The following XKR4 variants were observed in gnomAD, a reference collection of about 807,000 sequenced individuals.
The protein encoded by XKR4 is XK-related protein 4.
Under a neutral mutation model 53.9 loss-of-function variants are expected in XKR4, and 12 were observed. The observed-to-expected ratio is 0.22, with a 90% CI of 0.14 to 0.36. The LOEUF is 0.36. XKR4 is among the 10% of genes least tolerant of loss of function. The pLI, the probability that XKR4 is intolerant of heterozygous loss-of-function variation, is 1.00. For synonymous variants in XKR4, 354 were observed against 362.4 expected, an observed-to-expected ratio of 0.98 and a Z score of 0.26; for missense variants, 799 against 859.5, an observed-to-expected ratio of 0.93 and a Z score of 0.88.
intron 2 of XKR4, among the ~76,000 whole-genome samples, chr8:55,480,347 A>G (rs1806080591): frequency 6.6e-6 from 1 of 152,242 alleles, no homozygotes; most frequent in Admixed American, 6.5e-5. Context: ...GACAAAATTC[A>G]ATAACGCTTC....
chr8:55,171,483 G>A (rs920577452), intron 1 of XKR4, among the ~76,000 whole-genome samples: 6 of 152,158 alleles, frequency 3.9e-5, no homozygotes, highest in Admixed American at 6.5e-5. Flanking sequence ...ATACGTCTCC[G>A]TGTCATTTTA....
At chr8:55,212,977 G>T (rs530533894) in intron 1 of XKR4, among the ~76,000 whole-genome samples, 2 of 152,264 alleles carry the variant, frequency 1.3e-5, no homozygotes, top group South Asian at 4.2e-4. Flanking sequence ...TGAGATAAAG[G>T]TATTATTATC....
intron 1 of XKR4, among the ~76,000 whole-genome samples, chr8:55,347,800 G>T (rs1185359713): frequency 1.3e-5 from 2 of 152,062 alleles, no homozygotes; most frequent in African/African-American, 4.8e-5. Context: ...ACTTTTTTCT[G>T]CCTTTAATGA....
intron 2 of XKR4, among the ~76,000 whole-genome samples, chr8:55,379,183 T>A (rs553676549): frequency 7.2e-5 from 11 of 152,210 alleles, no homozygotes; most frequent in Non-Finnish European, 1.2e-4. Flanking sequence ...GACTCCACAC[T>A]CTTCTCTCTG....
At chr8:55,209,315 C>T (rs554478374) in intron 1 of XKR4, among the ~76,000 whole-genome samples, 4 of 152,194 alleles carry the variant, frequency 2.6e-5, no homozygotes, top group African/African-American at 7.2e-5. Context: ...CACTTGCTGT[C>T]CTCGTTCCCA....
intron 2 of XKR4, among the ~76,000 whole-genome samples, chr8:55,395,718 C>T (rs954633595): frequency 6.6e-6 from 1 of 152,004 alleles, no homozygotes; most frequent in Non-Finnish European, 1.5e-5. Flanking sequence ...GTAGATGGGG[C>T]CCATCTTGCC....
intron 2 of XKR4, among the ~76,000 whole-genome samples, chr8:55,475,655 G>A (rs1375273260): frequency 6.6e-6 from 1 of 151,694 alleles, no homozygotes; most frequent in Non-Finnish European, 1.5e-5. Flanking sequence ...CTAGGCTGGA[G>A]TGCAGTGGCA....
chr8:55,261,784 T>C (rs911183344), intron 1 of XKR4, among the ~76,000 whole-genome samples: 22 of 152,150 alleles, frequency 1.4e-4, no homozygotes, highest in Admixed American at 1.4e-3. Flanking sequence ...AATTTAAAAA[T>C]AGTCTTTGGT....
chr8:55,270,542 T>C (rs563756440), intron 1 of XKR4, among the ~76,000 whole-genome samples: 3 of 152,198 alleles, frequency 2.0e-5, no homozygotes, highest in African/African-American at 7.2e-5. Flanking sequence ...AAGGGCACCA[T>C]GTGTTAACAG....
chr8:55,125,649 T>G (rs915922918), intron 1 of XKR4, among the ~76,000 whole-genome samples: 1 of 152,208 alleles, frequency 6.6e-6, no homozygotes, highest in African/African-American at 2.4e-5. Flanking sequence ...AAAAATTTAT[T>G]TGCAATATAT....
intron 1 of XKR4, among the ~76,000 whole-genome samples, chr8:55,216,281 A>C (rs1042746606): frequency 6.6e-6 from 1 of 152,236 alleles, no homozygotes; most frequent in African/African-American, 2.4e-5. Context: ...GCAAAAAAGC[A>C]AGTATTGCCA....
At chr8:55,140,612 T>G (rs1816689959) in intron 1 of XKR4, among the ~76,000 whole-genome samples, 1 of 152,226 alleles carries the variant, frequency 6.6e-6, no homozygotes, top group African/African-American at 2.4e-5. Flanking sequence ...AGTTTGTTGT[T>G]GTTCATATTG....
chr8:55,404,808 G>A (rs1442240482), intron 2 of XKR4, among the ~76,000 whole-genome samples: 1 of 152,162 alleles, frequency 6.6e-6, no homozygotes, highest in Admixed American at 6.5e-5. Flanking sequence ...GAGAACCACA[G>A]TAACTCTTGC....
chr8:55,457,752 G>A (rs1805591439), intron 2 of XKR4, among the ~76,000 whole-genome samples: 1 of 152,100 alleles, frequency 6.6e-6, no homozygotes, highest in African/African-American at 2.4e-5. Context: ...TTTGAAAATA[G>A]ACATTTTAAA....
intron 2 of XKR4, among the ~76,000 whole-genome samples, chr8:55,394,402 G>T (rs1385056585): frequency 6.6e-6 from 1 of 152,154 alleles, no homozygotes; most frequent in African/African-American, 2.4e-5. Context: ...TCTCATAAGA[G>T]CCAAACCTCA....
intron 1 of XKR4, among the ~76,000 whole-genome samples, chr8:55,242,929 A>G (rs1315688060): frequency 6.6e-6 from 1 of 152,240 alleles, no homozygotes; most frequent in African/African-American, 2.4e-5. Flanking sequence ...CGTGTAAACT[A>G]TGAAATCACC....
chr8:55,185,288 C>G (rs900872446), intron 1 of XKR4, among the ~76,000 whole-genome samples: 5 of 152,196 alleles, frequency 3.3e-5, no homozygotes, highest in Admixed American at 3.3e-4. Context: ...TGATATGTTT[C>G]AGTTGAGAAA....
intron 2 of XKR4, among the ~76,000 whole-genome samples, chr8:55,496,376 C>T (rs1440880195): frequency 6.7e-6 from 1 of 149,226 alleles, no homozygotes; most frequent in Admixed American, 6.8e-5. Flanking sequence ...TATTGTGTTT[C>T]TTTAAAACAA....
intron 1 of XKR4, among the ~76,000 whole-genome samples, chr8:55,306,251 T>C (rs1563320643): frequency 6.6e-6 from 1 of 152,218 alleles, no homozygotes; most frequent in Non-Finnish European, 1.5e-5. Flanking sequence ...TTATTGAAGC[T>C]TCATTGTACT....
Sources: gnomAD v4.1 joint callset for allele counts (sites outside exome capture counted in the v4.1 genomes callset) on GRCh38, gnomAD v4.1.1 for gene constraint, MANE v1.5 for transcripts, NCBI Gene and HGNC (gene_info 2026-07-23, HGNC 2026-07-21) for gene names.